The following MTHFD1 variants were observed in gnomAD, a reference collection of about 807,000 sequenced individuals.
The protein encoded by MTHFD1 is C-1-tetrahydrofolate synthase, cytoplasmic.
In MTHFD1, 44 loss-of-function variants were observed where a neutral mutation model predicts 110.3. The observed-to-expected ratio is 0.40, with a 90% CI of 0.31 to 0.51. MTHFD1 has a LOEUF of 0.51. Ranked by LOEUF, MTHFD1 falls within the 20% of genes least tolerant of loss-of-function variation. The pLI is 0.60. For synonymous variants in MTHFD1, 402 were observed against 428.8 expected, an observed-to-expected ratio of 0.94 and a Z score of 0.77; for missense variants, 909 against 1,173.1, an observed-to-expected ratio of 0.77 and a Z score of 3.29.
At position 64,444,666 on chromosome 14, in the gene MTHFD1, C is replaced by T. The variant is rs200156480; in HGVS notation, c.2137-27C>T. 26 of 1,613,890 alleles carry T rather than the reference C, an allele frequency of 1.6e-5. No homozygotes were observed. The East Asian group carries it at 4.5e-4, about 28-fold the overall frequency. The stretch of plus-strand genomic sequence containing the variant: ...GCTAGGAGATTTAAATAGGAAATGC[C>T]TCTGACTCTGTTTCTTTTCCTTCCA... On this transcript the variant is annotated intron_variant, in intron 21 of 27. Coordinates refer to ENST00000652337, the MANE Select transcript of MTHFD1 (RefSeq NM_005956.4).
chr14:64,415,591 G>A (rs761815970), intron 5 of MTHFD1, 48 bp from the exon 6 acceptor site: 3 of 1,612,534 alleles, frequency 1.9e-6, no homozygotes, highest in African/African-American at 2.7e-5. Context: ...AAAGAGTAAA[G>A]ACATCTAATT....
intron 4 of MTHFD1, among the ~76,000 whole-genome samples, chr14:64,413,134 C>T (rs1363871309): frequency 6.6e-6 from 1 of 151,322 alleles, no homozygotes; most frequent in Non-Finnish European, 1.5e-5. Context: ...GGCAGATCAC[C>T]TGAGGTCGGG....
chr14:64,457,508 T>C (rs181040981), intron 26 of MTHFD1, among the ~76,000 whole-genome samples: 21 of 150,938 alleles, frequency 1.4e-4, no homozygotes, highest in Non-Finnish European at 2.8e-4. Flanking sequence ...CAGGCTGGAG[T>C]GCAGTGGCAA....
chr14:64,392,549 A>G (rs1451950740), intron 1 of MTHFD1, among the ~76,000 whole-genome samples: 1 of 152,096 alleles, frequency 6.6e-6, no homozygotes, highest in East Asian at 1.9e-4. Context: ...AGATGGTTTG[A>G]GTAGGTGCTG....
Position 64,425,776 on chromosome 14 carries a change from G to C in MTHFD1, c.902G>C (p.Gly301Ala), listed in dbSNP as rs759600075. The C allele has an allele frequency of 6.2e-7, 1 of 1,613,660 alleles. No homozygotes were observed. The highest frequency in any genetic ancestry group is 8.5e-7 in the Non-Finnish European group (1 of 1,180,016). Residue 301 changes from glycine to alanine, a missense_variant, in exon 10 of 28, where the codon GGA becomes GCA. By Grantham distance (60) the Gly-to-Ala change is moderately conservative. This residue lies in a region of MTHFD1 where 424 missense variants were observed against 510.4 expected (regional missense o/e 0.83). Transcript: ENST00000652337. Reference sequence around the variant, plus strand: ...CGTTTCCTGGAGAAATTTAAGCCAGGAAAGTGGATGATTCAGTATAACAAC... The same window carrying C: ...CGTTTCCTGGAGAAATTTAAGCCAGCAAAGTGGATGATTCAGTATAACAAC... ...AKRFLEKFKPGKWMIQYNNLN... is the reference protein window; with the variant it reads ...AKRFLEKFKPAKWMIQYNNLN...
intron 26 of MTHFD1, among the ~76,000 whole-genome samples, chr14:64,456,323 C>G (rs2078473237): frequency 6.6e-6 from 1 of 152,222 alleles, no homozygotes; most frequent in Non-Finnish European, 1.5e-5. Flanking sequence ...CTAACACCTT[C>G]CAGTTGCCGT....
At chr14:64,442,436 A>C in intron 21 of MTHFD1, 34 bp downstream of exon 21, 2 of 1,610,608 alleles carry the variant, frequency 1.2e-6, no homozygotes, top group Non-Finnish European at 1.7e-6. Context: ...GATTATCGGC[A>C]GTGTGCTGAC....
intron 22 of MTHFD1, among the ~76,000 whole-genome samples, chr14:64,446,972 T>C (rs1453735577): frequency 6.6e-6 from 1 of 152,000 alleles, no homozygotes; most frequent in African/African-American, 2.4e-5. Flanking sequence ...CCCAACTAGC[T>C]GGAAGAACAG....
chr14:64,425,919 T>A, intron 10 of MTHFD1, 92 bp downstream of exon 10: 1 of 1,545,106 alleles, frequency 6.5e-7, no homozygotes, highest in Non-Finnish European at 8.9e-7. Flanking sequence ...CCTCTGAAGG[T>A]GCCTTCAGTG....
chr14:64,388,846 G>C, intron 1 of MTHFD1: 1 of 392,924 alleles, frequency 2.5e-6, no homozygotes, highest in African/African-American at 2.0e-5. Flanking sequence ...ATGGAGACTA[G>C]TGAGGTGACA....
At chr14:64,435,921 T>G (rs905643236) in intron 16 of MTHFD1, among the ~76,000 whole-genome samples, 4 of 152,246 alleles carry the variant, frequency 2.6e-5, no homozygotes, top group Admixed American at 1.3e-4. Flanking sequence ...TGACTGAAAT[T>G]AGGGTAGTTA....
At chr14:64,434,153 G>A (rs1172083207) in intron 15 of MTHFD1, among the ~76,000 whole-genome samples, 1 of 152,186 alleles carries the variant, frequency 6.6e-6, no homozygotes, top group Non-Finnish European at 1.5e-5. Flanking sequence ...TAATACCTTT[G>A]TACATGTGTG....
At chr14:64,424,504 A>C (rs1258615461) in intron 8 of MTHFD1, among the ~76,000 whole-genome samples, 1 of 152,200 alleles carries the variant, frequency 6.6e-6, no homozygotes, top group East Asian at 1.9e-4. Context: ...TGCTCATTAT[A>C]TACTGGGTAG....
intron 1 of MTHFD1, among the ~76,000 whole-genome samples, chr14:64,397,941 T>C (rs967847657): frequency 6.6e-6 from 1 of 152,206 alleles, no homozygotes; most frequent in Non-Finnish European, 1.5e-5. Flanking sequence ...ACAGAGTGAA[T>C]TGGAATTTCT....
intron 2 of MTHFD1, among the ~76,000 whole-genome samples, chr14:64,403,368 G>A (rs2077913823): frequency 6.6e-6 from 1 of 151,440 alleles, no homozygotes; most frequent in Admixed American, 6.6e-5. Context: ...TTTGCCTCCT[G>A]GGTTCAAGTG....
intron 22 of MTHFD1, among the ~76,000 whole-genome samples, chr14:64,446,287 T>G (rs1259096113): frequency 6.6e-6 from 1 of 152,214 alleles, no homozygotes; most frequent in Non-Finnish European, 1.5e-5. Flanking sequence ...ATAATTAAGC[T>G]CTCCATGGTT....
rs1468045728 is a variant in MTHFD1 at position 64,431,628 on chromosome 14, C to T, written c.1408C>T (p.Gln470Ter). The change falls in exon 14 of 28, where the codon CAG becomes TAG. Residue 470 changes from glutamine (Q) to a stop codon, truncating the protein, a stop_gained. Coordinates refer to ENST00000652337, the MANE Select transcript of MTHFD1 (RefSeq NM_005956.4). LOFTEE classifies it high-confidence loss of function. ...TGCTCGGATATTTCATGAACTGACC[C>T]AGACAGACAAGGTAGGATGCCAAAG... ...IDARIFHELTQTDKALFNRLV... is the reference protein window; with the variant it reads ...IDARIFHELT The T allele has an allele frequency of 1.2e-6, 2 of 1,613,924 alleles. No homozygotes were observed. Among genetic ancestry groups the T allele is most frequent in the African/African-American group, 1.3e-5 (1 of 74,924 alleles).
At chr14:64,391,315 C>T (rs2077802730) in intron 1 of MTHFD1, among the ~76,000 whole-genome samples, 1 of 152,138 alleles carries the variant, frequency 6.6e-6, no homozygotes, top group Non-Finnish European at 1.5e-5. Flanking sequence ...CGGGCATGCA[C>T]TACTATGCCC....
chr14:64,406,408 A>C (rs1025065372), intron 2 of MTHFD1, among the ~76,000 whole-genome samples: 10 of 151,770 alleles, frequency 6.6e-5, no homozygotes, highest in African/African-American at 1.9e-4. Context: ...GTAAGCCATC[A>C]CATGAGGCCA....
Sources: gnomAD v4.1 joint callset for allele counts (sites outside exome capture counted in the v4.1 genomes callset) on GRCh38, gnomAD v4.1.1 for gene constraint, gnomAD v4.1.1 regional missense constraint, MANE v1.5 for transcripts, NCBI Gene and HGNC (gene_info 2026-07-23, HGNC 2026-07-21) for gene names.